LDAH: variants seen among roughly 807,000 people sequenced by gnomAD.
LDAH encodes the protein lipid droplet-associated hydrolase.
A neutral mutation model predicts 29.6 loss-of-function variants in LDAH; 26 were observed. That is an observed-to-expected ratio of 0.88 (90% CI 0.64 to 1.22). The LOEUF (loss-of-function observed/expected upper bound fraction) is 1.22, where lower values mean the gene tolerates loss of function less well. Ranked by LOEUF, LDAH falls within the 50% of genes most tolerant of loss-of-function variation. The probability of loss-of-function intolerance (pLI) is 0.00; values close to 1 mark genes in which losing one functional copy is unlikely to be tolerated. For synonymous variants in LDAH, 117 were observed against 133.0 expected (o/e 0.88, Z 0.83); for missense variants, 344 against 387.3 (o/e 0.89, Z 0.94).
At chr2:20,736,675 G>C (rs1204529584) in intron 5 of LDAH, among the ~76,000 whole-genome samples, 1 of 152,082 alleles carries the variant, frequency 6.6e-6, no homozygotes, top group Non-Finnish European at 1.5e-5. Context: ...CCATTTGTAT[G>C]GGTGTTTTCC....
intron 4 of LDAH, among the ~76,000 whole-genome samples, chr2:20,773,252 A>G (rs954424993): frequency 1.3e-5 from 2 of 152,192 alleles, no homozygotes; most frequent in Non-Finnish European, 2.9e-5. Context: ...CAAATGAGGA[A>G]ACTGAGGTTG....
chr2:20,760,569 G>A (rs145769745), intron 4 of LDAH, among the ~76,000 whole-genome samples: 2 of 152,324 alleles, frequency 1.3e-5, no homozygotes, highest in African/African-American at 4.8e-5. Flanking sequence ...TAAGGTTGTG[G>A]AGAGGATTCA....
intron 6 of LDAH, among the ~76,000 whole-genome samples, chr2:20,691,463 C>T (rs1663019073): frequency 6.6e-6 from 1 of 152,196 alleles, no homozygotes; most frequent in South Asian, 2.1e-4. Flanking sequence ...AGGCGTGAGC[C>T]ACAGCACCCA....
intron 4 of LDAH, among the ~76,000 whole-genome samples, chr2:20,765,892 A>T (rs1668998659): frequency 1.3e-5 from 2 of 152,172 alleles, no homozygotes; most frequent in South Asian, 4.1e-4. Context: ...TATTGGTGAA[A>T]GTAAGTCACA....
intron 6 of LDAH, among the ~76,000 whole-genome samples, chr2:20,697,022 T>G (rs1045435634): frequency 5.3e-5 from 8 of 152,206 alleles, no homozygotes; most frequent in African/African-American, 1.9e-4. Flanking sequence ...TGCTCTTGGC[T>G]TTAACTACAG....
chr2:20,710,609 TATATATATATAG>T (rs1480177263), intron 5 of LDAH, among the ~76,000 whole-genome samples: 2 of 132,408 alleles, frequency 1.5e-5, no homozygotes, highest in Non-Finnish European at 3.3e-5. Flanking sequence ...TGTGTGTGTA[TATATATATATAG>T]ATATATATAT....
At chr2:20,804,328 C>T (rs1671919883) in intron 1 of LDAH, among the ~76,000 whole-genome samples, 1 of 152,014 alleles carries the variant, frequency 6.6e-6, no homozygotes, top group Non-Finnish European at 1.5e-5. Context: ...TGGATCAATA[C>T]TCATAAAAGG....
Position 20,686,851 on chromosome 2 carries a change from T to C in LDAH, c.*52A>G. On this transcript the variant is annotated 3_prime_UTR_variant, in exon 7 of 7. Coordinates refer to ENST00000237822, the MANE Select transcript of LDAH (RefSeq NM_021925.4). ...TTAAACATTTACCTACTAAGTCTAG[T>C]ACACTGACTGCCTCCATGTACTGGC... 1 of 1,491,530 alleles carries C rather than the reference T, an allele frequency of 6.7e-7. No individual in the cohort carries two copies. Among genetic ancestry groups the C allele is most frequent in the Non-Finnish European group, 9.2e-7 (1 of 1,086,442 alleles). 92.4% of individuals were successfully genotyped at this position (1,491,530 alleles called of 1,614,324 possible).
chr2:20,801,538 A>C, intron 1 of LDAH, 73 bp from the exon 2 acceptor site: 2 of 1,331,182 alleles, frequency 1.5e-6, no homozygotes, highest in Non-Finnish European at 2.1e-6. Flanking sequence ...AAAATTCAAG[A>C]ATAAAAAAGG....
intron 4 of LDAH, among the ~76,000 whole-genome samples, chr2:20,773,520 G>A (rs1447836774): frequency 6.6e-6 from 1 of 152,068 alleles, no homozygotes; most frequent in Non-Finnish European, 1.5e-5. Flanking sequence ...AATAAAGCCT[G>A]CATTCTGATT....
intron 5 of LDAH, among the ~76,000 whole-genome samples, chr2:20,709,724 T>C (rs1048078734): frequency 1.3e-5 from 2 of 152,164 alleles, no homozygotes; most frequent in Admixed American, 6.5e-5. Context: ...TTATTCATAA[T>C]AGTCAAAGAG....
In LDAH at chr2:20,775,356, T is replaced by C. The variant is rs1166461537; in HGVS notation, c.299-377A>G. 9.2e-5 allele frequency among the ~76,000 whole-genome samples: 14 copies of C among 152,158 alleles called. 1 individual carries two copies. The highest frequency in any genetic ancestry group is 9.2e-4 in the Admixed American group (14 of 15,282). ...AGTGGTTCTCAAACTTGAGCATACA[T>C]CAGAATCCCCTTAAAGGCTTGTTAA... On this transcript the variant is annotated intron_variant, in intron 3 of 6. Transcript: ENST00000237822.
chr2:20,732,808 A>G (rs1285594242), intron 5 of LDAH, among the ~76,000 whole-genome samples: 2 of 151,742 alleles, frequency 1.3e-5, no homozygotes, highest in Non-Finnish European at 2.9e-5. Flanking sequence ...GGGTTTGTCA[A>G]TTTTATTACT....
chr2:20,724,619 T>C (rs1466377746), intron 5 of LDAH, among the ~76,000 whole-genome samples: 1 of 152,136 alleles, frequency 6.6e-6, no homozygotes, highest in African/African-American at 2.4e-5. Context: ...GGTACTGGTA[T>C]AAAAGTGAGA....
chr2:20,754,123 G>A (rs1255259958), intron 4 of LDAH, among the ~76,000 whole-genome samples: 3 of 152,008 alleles, frequency 2.0e-5, no homozygotes, highest in African/African-American at 2.4e-5. Context: ...AGAAAATTTC[G>A]TTGAAGAGGA....
At chr2:20,738,133 T>TC (rs1319370366) in intron 5 of LDAH, among the ~76,000 whole-genome samples, 1 of 151,652 alleles carries the variant, frequency 6.6e-6, no homozygotes, top group East Asian at 1.9e-4. Flanking sequence ...TTGCCTGTAG[T>TC]CCTAGCTACT....
rs1663706113 is a variant in LDAH at position 20,698,924 on chromosome 2, T to C, written c.786+2646A>G. Among the ~76,000 whole-genome samples the C allele has an allele frequency of 6.6e-6, 1 of 152,192 alleles. No individual in the cohort carries two copies. The highest frequency in any genetic ancestry group is 2.4e-5 in the African/African-American group (1 of 41,450). ...CTCAAGCATATAAAAAGCTCTCTTC[T>C]TGTGTCAAATGGAAATCCAGTGGTA... is the stretch of plus-strand genomic sequence containing the variant. On this transcript the variant is annotated intron_variant, in intron 6 of 6. Coordinates refer to ENST00000237822, the MANE Select transcript of LDAH (RefSeq NM_021925.4). This position sits in a 1 kb window ranked among gnomAD's most constrained non-coding sequence, Gnocchi z 4.4.
Position 20,815,953 on chromosome 2 carries a change from C to T in LDAH, c.-3+7084G>A, listed in dbSNP as rs895481818. On this transcript the variant is annotated intron_variant, in intron 1 of 6. Coordinates refer to ENST00000237822, the MANE Select transcript of LDAH (RefSeq NM_021925.4). ...TTATAACAACATTTGATGTGGTGTT[C>T]AAGGTGTATAGAGAAAATACAAATA... Among the ~76,000 whole-genome samples the T allele has an allele frequency of 2.6e-5, 4 of 151,870 alleles. No homozygotes were observed. In the East Asian group the frequency reaches 7.7e-4, roughly 29 times the overall value.
chr2:20,775,964 C>T (rs1207582518), intron 3 of LDAH, among the ~76,000 whole-genome samples: 2 of 152,154 alleles, frequency 1.3e-5, no homozygotes, highest in African/African-American at 4.8e-5. Context: ...TAGATGATCT[C>T]TGAGGATGCT....
Sources: gnomAD v4.1 joint callset for allele counts (sites outside exome capture counted in the v4.1 genomes callset) on GRCh38, gnomAD v4.1.1 for gene constraint, Gnocchi (gnomAD v3.1) non-coding constraint, MANE v1.5 for transcripts, NCBI Gene and HGNC (gene_info 2026-07-23, HGNC 2026-07-21) for gene names.